TCF20: variants seen among roughly 807,000 people sequenced by gnomAD.
The protein encoded by TCF20 is SPRE-binding protein.
TCF20 carries 3 observed loss-of-function variants against 148.6 expected under a neutral mutation model. The ratio of observed to expected loss-of-function variants is 0.02; its 90% CI spans 0.01 to 0.05. The LOEUF (loss-of-function observed/expected upper bound fraction) is 0.05, where lower values mean the gene tolerates loss of function less well. Ranked by LOEUF, TCF20 falls within the 10% of genes least tolerant of loss-of-function variation. The pLI, the probability that TCF20 is intolerant of heterozygous loss-of-function variation, is 1.00. For synonymous variants in TCF20, 1,049 were observed against 909.5 expected (o/e 1.15, Z -2.76); for missense variants, 2,350 against 2,429.3 (o/e 0.97, Z 0.69).
At chr22:42,324,839 AT>A (rs1484399896) in intron 1 of TCF20, among the ~76,000 whole-genome samples, 6 of 152,224 alleles carry the variant, frequency 3.9e-5, no homozygotes, top group African/African-American at 1.4e-4. Context: ...GAGTCTTATT[AT>A]CTCCATCTTG....
At chr22:42,255,079 T>C (rs977809906) in intron 1 of TCF20, among the ~76,000 whole-genome samples, 1 of 150,032 alleles carries the variant, frequency 6.7e-6, no homozygotes, top group Non-Finnish European at 1.5e-5. Flanking sequence ...TCACTCAACC[T>C]CCGTTATTCA....
At chr22:42,186,944 GA>G (rs1419981112) in intron 2 of TCF20, among the ~76,000 whole-genome samples, 1 of 152,182 alleles carries the variant, frequency 6.6e-6, no homozygotes, top group Non-Finnish European at 1.5e-5. Flanking sequence ...AGCACAACTA[GA>G]ATGAGAAAAA....
At chr22:42,187,286 A>G (rs1937090873) in intron 2 of TCF20, among the ~76,000 whole-genome samples, 1 of 152,186 alleles carries the variant, frequency 6.6e-6, no homozygotes, top group Non-Finnish European at 1.5e-5. Context: ...ACACTCACAC[A>G]AACTTTCTTT....
Position 42,161,206 on chromosome 22 carries a change from C to G in TCF20, c.*197G>C. On this transcript the variant is annotated 3_prime_UTR_variant, in exon 6 of 6. Coordinates refer to ENST00000677622, the MANE Select transcript of TCF20 (RefSeq NM_001378418.1). ...TGGGTCTTTCTTTCCTGTGGTGTCA[C>G]TGGTTTGAGTGTGATGTGAGAACTT... 2.1e-6 allele frequency: 2 copies of G among 938,652 alleles called. No homozygotes were observed. The highest frequency in any genetic ancestry group is 1.6e-6 in the Non-Finnish European group (1 of 642,904). 58.1% of individuals were successfully genotyped at this position (938,652 alleles called of 1,614,324 possible). A position where few individuals can be genotyped will look rare whatever the true frequency, so the allele number is the denominator to read the frequency against.
At chr22:42,248,594 T>C (rs565615512) in intron 1 of TCF20, among the ~76,000 whole-genome samples, 1 of 152,320 alleles carries the variant, frequency 6.6e-6, no homozygotes, top group East Asian at 1.9e-4. Flanking sequence ...AAAAACTGTC[T>C]GCAATCAGTA....
chr22:42,201,944 A>G (rs921708415), intron 2 of TCF20, among the ~76,000 whole-genome samples: 4 of 152,208 alleles, frequency 2.6e-5, no homozygotes, highest in South Asian at 2.1e-4. Context: ...TTTGAGAGAT[A>G]TAATTCCTGA....
intron 2 of TCF20, among the ~76,000 whole-genome samples, chr22:42,204,934 G>A (rs540981494): frequency 6.6e-6 from 1 of 152,160 alleles, no homozygotes; most frequent in African/African-American, 2.4e-5. Flanking sequence ...GTTTCCCAAG[G>A]GGGGTTGGAA....
intron 1 of TCF20, among the ~76,000 whole-genome samples, chr22:42,342,216 C>T (rs990624294): frequency 5.9e-5 from 9 of 152,008 alleles, no homozygotes; most frequent in African/African-American, 1.2e-4. Flanking sequence ...TTGGCAATGG[C>T]GTCCCAATGG....
intron 1 of TCF20, among the ~76,000 whole-genome samples, chr22:42,295,370 C>G (rs1340063364): frequency 6.6e-6 from 1 of 152,182 alleles, no homozygotes; most frequent in East Asian, 1.9e-4. Flanking sequence ...ACCTGGCAAG[C>G]CTGCTGCTGC....
chr22:42,161,442 G>C, intron 5 of TCF20, 84 bp from the exon 6 acceptor site: 1 of 1,597,768 alleles, frequency 6.3e-7, no homozygotes, highest in Non-Finnish European at 8.6e-7. Flanking sequence ...GTACCCCTGG[G>C]AGCTTTCAGC....
chr22:42,197,819 T>G, intron 2 of TCF20, among the ~76,000 whole-genome samples: 1 of 152,184 alleles, frequency 6.6e-6, no homozygotes, highest in South Asian at 2.1e-4. Flanking sequence ...GGAACAACAT[T>G]AATATCACTA....
upstream of TCF20, among the ~76,000 whole-genome samples, chr22:42,273,231 G>A (rs986798099): frequency 1.3e-5 from 2 of 151,410 alleles, no homozygotes; most frequent in Non-Finnish European, 2.9e-5. Flanking sequence ...GTGGTGGCGG[G>A]CGCCTGTAAT....
intron 1 of TCF20, among the ~76,000 whole-genome samples, chr22:42,227,632 C>G (rs866603796): frequency 6.6e-6 from 1 of 152,236 alleles, no homozygotes; most frequent in Admixed American, 6.5e-5. Flanking sequence ...GAGTCTACCC[C>G]AGAGCTACAT....
intron 1 of TCF20, among the ~76,000 whole-genome samples, chr22:42,293,119 C>T (rs1927163381): frequency 1.3e-5 from 2 of 152,080 alleles, no homozygotes; most frequent in African/African-American, 2.4e-5. Context: ...TTCCTTGGCA[C>T]CTTCCCTAAA....
At chr22:42,310,354 G>A (rs1414038783) in intron 1 of TCF20, among the ~76,000 whole-genome samples, 2 of 151,598 alleles carry the variant, frequency 1.3e-5, no homozygotes, top group Non-Finnish European at 2.9e-5. Context: ...AGTCCCTGGG[G>A]CTACGGAGCC....
At position 42,210,404 on chromosome 22, in the gene TCF20, G is replaced by A. The variant is rs777459192; in HGVS notation, c.4902C>T (p.Tyr1634=). 4.4e-4 allele frequency: 711 copies of A among 1,614,100 alleles called. 2 individuals carry two copies. The highest frequency in any genetic ancestry group is 4.5e-5 in the Non-Finnish European group (53 of 1,180,050). The change falls in exon 2 of 6, where the codon TAC becomes TAT. Residue 1634 remains tyrosine (Y), a synonymous_variant. Transcript: ENST00000677622. This position sits in a 1 kb window ranked among gnomAD's most constrained non-coding sequence, Gnocchi z 4.7. ...GTTCACACTTATTTACTACATGGAT[G>A]TAAGGGTAAAAAGACTTGTTCTTGG... ...TDAKNKSFYP[Y]IHVVNKCELG... is the part of the protein sequence containing the mutation.
chr22:42,232,817 A>C (rs898948877), intron 1 of TCF20, among the ~76,000 whole-genome samples: 2 of 151,782 alleles, frequency 1.3e-5, no homozygotes, highest in African/African-American at 2.4e-5. Context: ...AAAAAAAAAA[A>C]AAAAACTAGT....
At chr22:42,232,467 TATTC>T (rs1569170267) in intron 1 of TCF20, among the ~76,000 whole-genome samples, 1 of 151,808 alleles carries the variant, frequency 6.6e-6, no homozygotes, top group African/African-American at 2.4e-5. Flanking sequence ...AGACGACTGA[TATTC>T]ATTCAACTGC....
At chr22:42,273,544 C>T (rs1926700467), upstream of TCF20, among the ~76,000 whole-genome samples, 1 of 151,800 alleles carries the variant, frequency 6.6e-6, no homozygotes, top group South Asian at 2.1e-4. Flanking sequence ...CCTCTGAAAT[C>T]ACATTAGTGT....
Sources: allele counts gnomAD v4.1 joint callset (sites outside exome capture counted in the v4.1 genomes callset), GRCh38; gene constraint gnomAD v4.1.1; non-coding constraint Gnocchi (gnomAD v3.1); transcripts MANE v1.5; gene names NCBI Gene and HGNC (gene_info 2026-07-23, HGNC 2026-07-21).